RBMS2: variants seen among roughly 807,000 people sequenced by gnomAD.
RBMS2 encodes RNA-binding motif, single-stranded-interacting protein 2.
In RBMS2, 38 loss-of-function variants were observed where a neutral mutation model predicts 58.4. The ratio of observed to expected loss-of-function variants is 0.65; its 90% CI spans 0.50 to 0.85. The LOEUF is 0.85. Ranked by LOEUF, RBMS2 falls within the 40% of genes least tolerant of loss-of-function variation. The probability of loss-of-function intolerance (pLI) is 0.00; values close to 1 mark genes in which losing one functional copy is unlikely to be tolerated. For missense variants in RBMS2, 367 were observed against 503.7 expected, an observed-to-expected ratio of 0.73 and a Z score of 2.60; for synonymous variants, 151 against 180.7, an observed-to-expected ratio of 0.84 and a Z score of 1.32.
In RBMS2 at chr12:56,542,941, T is replaced by A. The variant is rs546486572; in HGVS notation, c.67-19476T>A. Among the ~76,000 whole-genome samples the A allele has an allele frequency of 2.0e-5, 3 of 152,202 alleles. No homozygotes were observed. In the South Asian group the frequency reaches 6.2e-4, roughly 32 times the overall value. ...TATTTATTGAGATGAAGTCTCACTCTGTCACCCAGGCTGGGGTGCAATGAT... is the reference window on the plus strand; with the variant it reads ...TATTTATTGAGATGAAGTCTCACTCAGTCACCCAGGCTGGGGTGCAATGAT... On this transcript the variant is annotated intron_variant, in intron 1 of 13. Coordinates refer to ENST00000262031, the MANE Select transcript of RBMS2 (RefSeq NM_002898.4).
intron 1 of RBMS2, among the ~76,000 whole-genome samples, chr12:56,547,233 T>C: frequency 6.6e-6 from 1 of 151,932 alleles, no homozygotes. Context: ...CGGGTGCCTG[T>C]AATCCCACCT....
At chr12:56,529,167 T>C (rs1463326840) in intron 1 of RBMS2, among the ~76,000 whole-genome samples, 1 of 151,912 alleles carries the variant, frequency 6.6e-6, no homozygotes, top group Non-Finnish European at 1.5e-5. Flanking sequence ...TAGTCCAGAG[T>C]GGAAACAACC....
intron 9 of RBMS2, among the ~76,000 whole-genome samples, chr12:56,583,090 A>G (rs146902236): frequency 1.3e-5 from 2 of 152,276 alleles, no homozygotes; most frequent in African/African-American, 4.8e-5. Context: ...GCTATACCCA[A>G]TGGGGGCATT....
chr12:56,558,484 C>T (rs1879716544), intron 1 of RBMS2, among the ~76,000 whole-genome samples: 1 of 150,620 alleles, frequency 6.6e-6, no homozygotes, highest in Non-Finnish European at 1.5e-5. Flanking sequence ...GTGGTCTCTT[C>T]ATCTGCTTGT....
intron 8 of RBMS2, 23 bp downstream of exon 8, chr12:56,581,902 C>T (rs1884005603): frequency 1.1e-5 from 18 of 1,612,132 alleles, no homozygotes; most frequent in Non-Finnish European, 1.5e-5. Flanking sequence ...ATAATCAAGC[C>T]ACCTGAAAAT....
intron 5 of RBMS2, among the ~76,000 whole-genome samples, chr12:56,578,348 C>T (rs1186315127): frequency 3.3e-5 from 5 of 151,926 alleles, no homozygotes; most frequent in Non-Finnish European, 7.4e-5. Flanking sequence ...AGGCTGGTCT[C>T]GAACTCCTGG....
intron 1 of RBMS2, among the ~76,000 whole-genome samples, chr12:56,535,923 G>A (rs1482971419): frequency 2.0e-5 from 3 of 152,114 alleles, no homozygotes; most frequent in Admixed American, 1.3e-4. Flanking sequence ...TTGTCCTGGT[G>A]TGGTGGCTAA....
Position 56,589,380 on chromosome 12 carries a change from C to A in RBMS2, c.*247C>A. On this transcript the variant is annotated 3_prime_UTR_variant, in exon 14 of 14. Transcript: ENST00000262031. ...TTTTGTGTGCTACATTCAAGGAGATCAAAAAAACTTTTCTTCTTTTGCAAA... is the reference window on the plus strand; with the variant it reads ...TTTTGTGTGCTACATTCAAGGAGATAAAAAAAACTTTTCTTCTTTTGCAAA... The A allele has an allele frequency of 9.5e-7, 1 of 1,048,816 alleles. No individual in the cohort carries two copies. Among genetic ancestry groups the A allele is most frequent in the Non-Finnish European group, 1.2e-6 (1 of 836,518 alleles). 65.0% of individuals were successfully genotyped at this position (1,048,816 alleles called of 1,614,324 possible). A position where few individuals can be genotyped will look rare whatever the true frequency, so the allele number is the denominator to read the frequency against.
intron 1 of RBMS2, among the ~76,000 whole-genome samples, chr12:56,528,470 G>A (rs1017948746): frequency 6.6e-6 from 1 of 152,048 alleles, no homozygotes; most frequent in African/African-American, 2.4e-5. Flanking sequence ...TAAGAACATT[G>A]ATTAAGATGT....
At chr12:56,577,035 CAA>C (rs60298708) in intron 5 of RBMS2, among the ~76,000 whole-genome samples, 11 of 63,608 alleles carry the variant, frequency 1.7e-4, no homozygotes, top group Non-Finnish European at 1.3e-4. Flanking sequence ...AGTGAGATTC[CAA>C]AAAAAAAAAA....
At chr12:56,578,380 C>T (rs7295393) in intron 5 of RBMS2, among the ~76,000 whole-genome samples, 101,949 of 151,948 alleles carry the variant, frequency 0.67, 37,124 homozygotes, top group East Asian at 0.84. Flanking sequence ...CCACCCAACT[C>T]GGTTTCCCAA....
chr12:56,521,427 CA>C (rs35413431), upstream of RBMS2, among the ~76,000 whole-genome samples: 1,260 of 91,296 alleles, frequency 0.014, 16 homozygotes, highest in African/African-American at 0.054. Flanking sequence ...AACTCTGTCT[CA>C]AAAAAAAAAA....
intron 1 of RBMS2, among the ~76,000 whole-genome samples, chr12:56,543,155 G>A (rs1465761959): frequency 6.7e-6 from 1 of 149,852 alleles, no homozygotes; most frequent in African/African-American, 2.4e-5. Context: ...TTACAGGCAT[G>A]AGCCACCACA....
At chr12:56,573,067 T>G (rs1445527851) in intron 5 of RBMS2, 1 of 971,556 alleles carries the variant, frequency 1.0e-6, no homozygotes, top group African/African-American at 1.8e-5. Flanking sequence ...TTTTTTTTTT[T>G]TTTTTAGTTT....
chr12:56,587,802 A>G (rs1884879719), intron 11 of RBMS2, 138 bp downstream of exon 11: 1 of 1,295,476 alleles, frequency 7.7e-7, no homozygotes, highest in Non-Finnish European at 1.0e-6. Context: ...ACAGGACATA[A>G]ACTACAATGG....
At chr12:56,548,830 C>G (rs1429962566) in intron 1 of RBMS2, among the ~76,000 whole-genome samples, 2 of 152,130 alleles carry the variant, frequency 1.3e-5, no homozygotes, top group Non-Finnish European at 2.9e-5. Context: ...AGGAACTTAG[C>G]TAGGTATCAG....
chr12:56,572,575 C>T (rs1156567728), intron 5 of RBMS2, among the ~76,000 whole-genome samples: 1 of 152,100 alleles, frequency 6.6e-6, no homozygotes, highest in Non-Finnish European at 1.5e-5. Flanking sequence ...TCTGTATATT[C>T]TTATAGTTTA....
chr12:56,541,672 A>G (rs1005328539), intron 1 of RBMS2, among the ~76,000 whole-genome samples: 29 of 152,368 alleles, frequency 1.9e-4, no homozygotes, highest in African/African-American at 6.3e-4. Flanking sequence ...TTATCCACCT[A>G]AATACAAGCA....
chr12:56,526,771 A>G (rs1204910862), intron 1 of RBMS2, among the ~76,000 whole-genome samples: 1 of 151,618 alleles, frequency 6.6e-6, no homozygotes. Context: ...AGTATAGGTG[A>G]GATCGAAAGA....
Sources: gnomAD v4.1 joint callset for allele counts (sites outside exome capture counted in the v4.1 genomes callset) on GRCh38, gnomAD v4.1.1 for gene constraint, MANE v1.5 for transcripts, NCBI Gene and HGNC (gene_info 2026-07-23, HGNC 2026-07-21) for gene names.